Variants in PKM observed in about 807,000 individuals in gnomAD.
The protein encoded by PKM is pyruvate kinase M1/2.
A neutral mutation model predicts 49.8 loss-of-function variants in PKM; 18 were observed. The ratio of observed to expected loss-of-function variants is 0.36; its 90% confidence interval spans 0.25 to 0.54. The LOEUF is 0.54. Ranked by LOEUF, PKM falls within the 20% of genes least tolerant of loss-of-function variation. The probability of loss-of-function intolerance (pLI) is 0.89; values close to 1 mark genes in which losing one functional copy is unlikely to be tolerated. For synonymous variants in PKM, 239 were observed against 261.8 expected, an observed-to-expected ratio of 0.91 and a Z score of 0.84; for missense variants, 508 against 713.8, an observed-to-expected ratio of 0.71 and a Z score of 3.28.
Position 72,219,093 on chromosome 15 carries a change from G to C in PKM, c.5C>G (p.Ser2Trp), listed in dbSNP as rs752256480. The C allele has an allele frequency of 9.9e-6, 16 of 1,613,522 alleles. No individual in the cohort carries two copies. Among genetic ancestry groups the C allele is most frequent in the Non-Finnish European group, 1.3e-5 (15 of 1,179,504 alleles). The change falls in exon 2 of 11, where the codon TCG becomes TGG. Residue 2 changes from serine to tryptophan, a missense_variant. Physicochemically the swap from Ser to Trp is radical, Grantham distance 177 (BLOSUM62 -3). Transcript: ENST00000335181. ...AGTCCCGGCTTCACTATGGGGCTTC[G>C]ACATGGCTGCTGAGGTCCTGGGTCG... is the stretch of plus-strand genomic sequence containing the variant. M[S>W]KPHSEAGTAF...
intron 1 of PKM, chr15:72,221,235 G>C (rs1380937352): frequency 1.3e-6 from 2 of 1,535,430 alleles, no homozygotes; most frequent in Non-Finnish European, 8.7e-7. Flanking sequence ...TGGCTCCTTG[G>C]CCTCACTAGC....
intron 1 of PKM, among the ~76,000 whole-genome samples, chr15:72,226,507 G>C (rs1039259498): frequency 3.3e-5 from 5 of 152,144 alleles, no homozygotes; most frequent in Admixed American, 2.6e-4. Context: ...TCCAGCCTGG[G>C]TCATGGTGCG....
chr15:72,208,505 C>T (rs1206069281), intron 6 of PKM, 116 bp downstream of exon 6: 1 of 1,048,734 alleles, frequency 9.5e-7, no homozygotes, highest in Non-Finnish European at 1.5e-6. Flanking sequence ...AGGTTTGGAA[C>T]TGGCTTGGGA....
chr15:72,230,998 C>A, intron 1 of PKM, 118 bp downstream of exon 1: 1 of 1,271,730 alleles, frequency 7.9e-7, no homozygotes, highest in African/African-American at 1.5e-5. Context: ...CCCAGACGCC[C>A]TGGATCCTGC....
chr15:72,210,439 C>T lies in PKM; in HGVS notation c.286G>A (p.Glu96Lys). Reference protein sequence around the residue: ...ETIKNVRTATESFASDPILYR... With the variant: ...ETIKNVRTATKSFASDPILYR... ...AGGATGGGGTCAGAAGCAAAGCTTTCCGTGGCTGTGCGCACATTCTTGATG... is the reference window on the plus strand; with the variant it reads ...AGGATGGGGTCAGAAGCAAAGCTTTTCGTGGCTGTGCGCACATTCTTGATG... The change falls in exon 4 of 11, where the codon GAA (glutamate) becomes AAA (lysine). Residue 96 changes from glutamate (E) to lysine (K), a missense_variant. By Grantham distance (56) the Glu-to-Lys change is moderately conservative. Transcript: ENST00000335181. 6.2e-7 allele frequency: 1 copy of T among 1,614,148 alleles called. No homozygotes were observed. The highest frequency in any genetic ancestry group is 8.5e-7 in the Non-Finnish European group (1 of 1,179,988).
intron 1 of PKM, among the ~76,000 whole-genome samples, chr15:72,220,849 G>A (rs554101962): frequency 1.3e-5 from 2 of 151,038 alleles, no homozygotes; most frequent in Admixed American, 1.3e-4. Flanking sequence ...GGGGCCCCTG[G>A]TCCCTTTCCC....
In PKM at chr15:72,202,857, C is replaced by T; in HGVS notation, c.1141-237G>A. 1.3e-6 allele frequency: 1 copy of T among 780,026 alleles called. No homozygotes were observed. The highest frequency in any genetic ancestry group is 2.2e-6 in the Non-Finnish European group (1 of 457,732). The allele number at this position is 780,026 out of a possible 1,614,324, so 48.3% of individuals were successfully genotyped here. A position where few individuals can be genotyped will look rare whatever the true frequency, so the allele number is the denominator to read the frequency against. ...GACATCTACTGTGCCTACTGAGCCA[C>T]AGGACCCTTTGGTCCTGCCCTGCCA... On this transcript the variant is annotated intron_variant, in intron 8 of 10. Coordinates refer to ENST00000335181, the MANE Select transcript of PKM (RefSeq NM_002654.6). The surrounding 1 kb of genome is among the most constrained non-coding windows in gnomAD (Gnocchi z 4.5).
At position 72,202,439 on chromosome 15, in the gene PKM, G is replaced by A. The variant is rs763068594; in HGVS notation, c.1307+15C>T. The A allele has an allele frequency of 1.1e-5, 18 of 1,609,046 alleles. No individual in the cohort carries two copies. Among genetic ancestry groups the A allele is most frequent in the South Asian group, 1.1e-4 (10 of 90,364 alleles). ...ACTGAGCAGGGCATTCCAGGGAGCC[G>A]CTGCCGCCTCCTACCTGCCAGACTT... is the stretch of plus-strand genomic sequence containing the variant. On this transcript the variant is annotated intron_variant, in intron 9 of 10. Coordinates refer to ENST00000335181, the MANE Select transcript of PKM (RefSeq NM_002654.6). This position sits in a 1 kb window ranked among gnomAD's most constrained non-coding sequence, Gnocchi z 4.5.
intron 8 of PKM, chr15:72,203,332 G>C (rs2081993552): frequency 5.5e-6 from 4 of 720,758 alleles, no homozygotes; most frequent in Non-Finnish European, 9.7e-6. Context: ...CCTTCAGGCA[G>C]ATGCAGAGGT....
At chr15:72,212,579 G>C (rs754710195) in intron 3 of PKM, among the ~76,000 whole-genome samples, 1 of 152,090 alleles carries the variant, frequency 6.6e-6, no homozygotes, top group Non-Finnish European at 1.5e-5. Flanking sequence ...AAGAATACAT[G>C]AAGTATTAGG....
chr15:72,217,307 A>C, intron 3 of PKM, 102 bp downstream of exon 3: 1 of 756,742 alleles, frequency 1.3e-6, no homozygotes, highest in Non-Finnish European at 2.4e-6. Flanking sequence ...TGTGAAACTC[A>C]GACTCATCCT....
At chr15:72,206,006 G>A (rs2082068903) in intron 8 of PKM, among the ~76,000 whole-genome samples, 1 of 152,172 alleles carries the variant, frequency 6.6e-6, no homozygotes, top group African/African-American at 2.4e-5. Flanking sequence ...AAGGGAAAGA[G>A]CCTCCACGAC....
Position 72,199,562 on chromosome 15 carries a change from A to C in PKM, c.*88T>G. 2 of 887,976 alleles carry C rather than the reference A, an allele frequency of 2.3e-6. No individual in the cohort carries two copies. The highest frequency in any genetic ancestry group is 3.7e-6 in the Non-Finnish European group (2 of 533,642). The allele number at this position is 887,976 out of a possible 1,614,324, so 55.0% of individuals were successfully genotyped here. A position where few individuals can be genotyped will look rare whatever the true frequency, so the allele number is the denominator to read the frequency against. ...ACCTACCAGTGCCACGTTACAGCCC[A>C]GAGTGAGTTCTACAAGCGTTGCTGG... is the stretch of plus-strand genomic sequence containing the variant. On this transcript the variant is annotated 3_prime_UTR_variant, in exon 11 of 11. Transcript: ENST00000335181.
rs59687887 is a variant in PKM, at chr15:72,225,088, A to AT, written c.-13-5979dup. On this transcript the variant is annotated intron_variant, in intron 1 of 10. Transcript: ENST00000335181. Reference sequence around the variant, plus strand: ...AGGCGCCCGCCACCAGGCCCGGCTAATTTTTTTTTTTTTTTTTTTTTGTAT... The same window carrying AT: ...AGGCGCCCGCCACCAGGCCCGGCTAATTTTTTTTTTTTTTTTTTTTTTGTAT... 4.0e-3 allele frequency among the ~76,000 whole-genome samples: 465 copies of AT among 116,644 alleles called. 6 individuals are homozygous for AT. Among genetic ancestry groups the AT allele is most frequent in the East Asian group, 7.6e-3 (29 of 3,826 alleles). 76.5% of individuals were successfully genotyped at this position (116,644 alleles called of 152,430 possible).
At chr15:72,207,302 G>C in intron 6 of PKM, 25 bp from the exon 7 acceptor site, 1 of 1,612,642 alleles carries the variant, frequency 6.2e-7, no homozygotes, top group Non-Finnish European at 8.5e-7. Flanking sequence ...TGGGGGGAGA[G>C]AGGTTATATA....
intron 1 of PKM, among the ~76,000 whole-genome samples, chr15:72,223,473 T>G (rs906073032): frequency 6.6e-6 from 1 of 152,144 alleles, no homozygotes; most frequent in Non-Finnish European, 1.5e-5. Context: ...GTTTGCTACC[T>G]ACACCTCCAA....
intron 1 of PKM, among the ~76,000 whole-genome samples, chr15:72,220,376 T>G (rs1046551368): frequency 6.6e-6 from 1 of 152,188 alleles, no homozygotes; most frequent in Non-Finnish European, 1.5e-5. Flanking sequence ...CATCTCTGAC[T>G]TTGTGGGCTC....
Position 72,199,521 on chromosome 15 carries a change from C to T in PKM, c.*129G>A. ...CATGTTTCAGTGAGGCGTTGATCTT[C>T]TTCCCTGGTGTCCCAACCTACCAGT... On this transcript the variant is annotated 3_prime_UTR_variant, in exon 11 of 11. Transcript: ENST00000335181. The T allele has an allele frequency of 1.4e-6, 1 of 733,228 alleles. No homozygotes were observed. The highest frequency in any genetic ancestry group is 2.5e-6 in the Non-Finnish European group (1 of 400,490). 45.4% of individuals were successfully genotyped at this position (733,228 alleles called of 1,614,324 possible).
chr15:72,211,602 G>A (rs1337663661), intron 3 of PKM, among the ~76,000 whole-genome samples: 1 of 151,980 alleles, frequency 6.6e-6, no homozygotes, highest in Non-Finnish European at 1.5e-5. Context: ...AGGACAGTTT[G>A]GGCCAGGAGT....
Sources: gnomAD v4.1 joint callset for allele counts (sites outside exome capture counted in the v4.1 genomes callset) on GRCh38, gnomAD v4.1.1 for gene constraint, Gnocchi (gnomAD v3.1) non-coding constraint, MANE v1.5 for transcripts, NCBI Gene and HGNC (gene_info 2026-07-23, HGNC 2026-07-21) for gene names.